DLGAP1: variants seen among roughly 807,000 people sequenced by gnomAD.
The protein encoded by DLGAP1 is DLG associated protein 1, also known as disks large-associated protein 1.
A neutral mutation model predicts 90.8 loss-of-function variants in DLGAP1; 11 were observed. The ratio of observed to expected loss-of-function variants is 0.12; its 90% CI spans 0.08 to 0.20. The LOEUF (loss-of-function observed/expected upper bound fraction) is 0.20. DLGAP1 is among the 10% of genes least tolerant of loss of function. DLGAP1 has a pLI of 1.00. For missense variants in DLGAP1, 1,050 were observed against 1,333.8 expected (o/e 0.79, Z 3.31); for synonymous variants, 558 against 540.7 (o/e 1.03, Z -0.44).
intron 1 of DLGAP1, among the ~76,000 whole-genome samples, chr18:4,278,960 A>C (rs996014814): frequency 2.0e-5 from 3 of 152,206 alleles, no homozygotes; most frequent in African/African-American, 7.2e-5. Context: ...CTTCCTCTAC[A>C]AAGCAAATAA....
In DLGAP1 at chr18:4,002,292, T is replaced by G. The variant is rs374266498; in HGVS notation, c.-73+2824A>C. On this transcript the variant is annotated intron_variant, in intron 3 of 12. Coordinates refer to ENST00000315677, the MANE Select transcript of DLGAP1 (RefSeq NM_004746.4). Reference sequence around the variant, plus strand: ...ATTAGTAAGCATCTACCTGCCTGTCTATGTTAACACGTTTTCTGATGCACT... The same window carrying G: ...ATTAGTAAGCATCTACCTGCCTGTCGATGTTAACACGTTTTCTGATGCACT... Among the ~76,000 whole-genome samples, 32 of 151,986 alleles carry G rather than the reference T, an allele frequency of 2.1e-4. No homozygotes were observed. The South Asian group carries it at 6.4e-3, about 31-fold the overall frequency.
chr18:4,106,000 C>G (rs1369240126), intron 2 of DLGAP1, among the ~76,000 whole-genome samples: 2 of 139,838 alleles, frequency 1.4e-5, no homozygotes, highest in Non-Finnish European at 3.0e-5. Flanking sequence ...CCACTGCACT[C>G]CAGCCTGGGC....
At chr18:3,922,223 CTTCG>C (rs2072283396) in intron 3 of DLGAP1, among the ~76,000 whole-genome samples, 1 of 152,080 alleles carries the variant, frequency 6.6e-6, no homozygotes, top group Admixed American at 6.5e-5. Context: ...TCCAAAAAAG[CTTCG>C]TTTTAGTTAA....
intron 1 of DLGAP1, among the ~76,000 whole-genome samples, chr18:4,362,836 C>T (rs74925385): frequency 0.035 from 5,250 of 152,066 alleles, 152 homozygotes; most frequent in African/African-American, 0.076. Flanking sequence ...ATACAAGCAA[C>T]TGAAAGGCAT....
At chr18:3,740,494 C>A (rs922397474) in intron 6 of DLGAP1, among the ~76,000 whole-genome samples, 3 of 152,128 alleles carry the variant, frequency 2.0e-5, no homozygotes, top group African/African-American at 7.2e-5. Flanking sequence ...CCCTACTCTG[C>A]CCTTGGAGCC....
intron 2 of DLGAP1, among the ~76,000 whole-genome samples, chr18:4,012,979 G>C (rs953877814): frequency 5.3e-5 from 8 of 152,108 alleles, no homozygotes; most frequent in African/African-American, 7.2e-5. Flanking sequence ...TCCTGGGATT[G>C]CAGGTGTGAG....
intron 7 of DLGAP1, chr18:3,656,180 A>G (rs960940702): frequency 7.4e-7 from 1 of 1,352,626 alleles, no homozygotes; most frequent in South Asian, 1.4e-5. Context: ...GCTTCTCATA[A>G]CACACGCATG....
At chr18:3,842,547 A>C (rs1482685960) in intron 4 of DLGAP1, among the ~76,000 whole-genome samples, 2 of 152,018 alleles carry the variant, frequency 1.3e-5, no homozygotes, top group Non-Finnish European at 2.9e-5. Flanking sequence ...TCGTGGCAAA[A>C]GGAATGGCGA....
At chr18:3,998,329 A>G (rs1484116436) in intron 3 of DLGAP1, among the ~76,000 whole-genome samples, 2 of 152,220 alleles carry the variant, frequency 1.3e-5, no homozygotes, top group Non-Finnish European at 2.9e-5. Flanking sequence ...AGGATGATCA[A>G]TAATATTTTA....
At chr18:4,111,318 T>C (rs1165278403) in intron 2 of DLGAP1, among the ~76,000 whole-genome samples, 1 of 152,132 alleles carries the variant, frequency 6.6e-6, no homozygotes, top group Non-Finnish European at 1.5e-5. Flanking sequence ...TGCTAGTGTT[T>C]TGTTGAAGAT....
In DLGAP1 at chr18:4,455,098, G is replaced by A. The variant is rs1264469019; in HGVS notation, c.-359C>T. 6.6e-6 allele frequency: 1 copy of A among 151,936 alleles called. No homozygotes were observed. The highest frequency in any genetic ancestry group is 1.5e-5 in the Non-Finnish European group (1 of 68,004). The allele number at this position is 151,936 out of a possible 1,614,324, so 9.4% of individuals were successfully genotyped here. On this transcript the variant is annotated 5_prime_UTR_variant, in exon 1 of 13. Transcript: ENST00000315677. ...AAGGAGAGAGATGTCCCCGCGACCA[G>A]GACCGGCTCTCAGCGAGGTGACGGG...
At chr18:3,976,172 C>A (rs1170243734) in intron 3 of DLGAP1, among the ~76,000 whole-genome samples, 2 of 145,252 alleles carry the variant, frequency 1.4e-5, no homozygotes, top group Non-Finnish European at 3.0e-5. Flanking sequence ...CATGGAGAAA[C>A]CCGTCTCTAC....
At chr18:3,635,343 A>G (rs903195405) in intron 7 of DLGAP1, among the ~76,000 whole-genome samples, 1 of 151,646 alleles carries the variant, frequency 6.6e-6, no homozygotes, top group East Asian at 2.0e-4. Context: ...TCACCTTGTT[A>G]GCCAGGATGG....
At chr18:4,366,070 T>C (rs593717) in intron 1 of DLGAP1, among the ~76,000 whole-genome samples, 45,303 of 151,962 alleles carry the variant, frequency 0.3, 7,451 homozygotes, top group Non-Finnish European at 0.37. Flanking sequence ...ACTGTCAAAA[T>C]GACCGAGATA....
chr18:4,241,628 T>C (rs1181072620), intron 1 of DLGAP1, among the ~76,000 whole-genome samples: 1 of 152,212 alleles, frequency 6.6e-6, no homozygotes, highest in African/African-American at 2.4e-5. Flanking sequence ...ATACCATCAT[T>C]CTGAAACAAA....
chr18:4,157,518 C>T (rs1326036575), intron 1 of DLGAP1, among the ~76,000 whole-genome samples: 1 of 152,194 alleles, frequency 6.6e-6, no homozygotes, highest in Non-Finnish European at 1.5e-5. Flanking sequence ...GATTTCAAGG[C>T]AGGCTGGATT....
At chr18:3,989,679 C>T (rs1013541458) in intron 3 of DLGAP1, among the ~76,000 whole-genome samples, 9 of 152,084 alleles carry the variant, frequency 5.9e-5, no homozygotes, top group Non-Finnish European at 1.0e-4. Flanking sequence ...AAGAAACCAC[C>T]ATCAGAGTGA....
At chr18:4,409,045 C>T (rs559170947) in intron 1 of DLGAP1, among the ~76,000 whole-genome samples, 79 of 151,668 alleles carry the variant, frequency 5.2e-4, no homozygotes, top group African/African-American at 1.9e-3. Flanking sequence ...CCCAAATGTC[C>T]AGCAATAGGT....
intron 7 of DLGAP1, among the ~76,000 whole-genome samples, chr18:3,591,251 A>G (rs2056226525): frequency 6.6e-6 from 1 of 152,194 alleles, no homozygotes; most frequent in African/African-American, 2.4e-5. Flanking sequence ...TGAAGAGGCC[A>G]AAAGAAAAAA....
Sources: gnomAD v4.1 joint callset for allele counts (sites outside exome capture counted in the v4.1 genomes callset) on GRCh38, gnomAD v4.1.1 for gene constraint, MANE v1.5 for transcripts, NCBI Gene and HGNC (gene_info 2026-07-23, HGNC 2026-07-21) for gene names.